AFMID: variants seen among roughly 807,000 people sequenced by gnomAD.
AFMID encodes the protein arylformamidase.
In AFMID, 39 loss-of-function variants were observed where a neutral mutation model predicts 47.5. The ratio of observed to expected loss-of-function variants is 0.82; its 90% CI spans 0.64 to 1.07. AFMID has a LOEUF of 1.07. AFMID is among the 50% of genes least tolerant of loss of function. The pLI is 0.00. For missense variants in AFMID, 375 were observed against 387.5 expected (o/e 0.97, Z 0.27); for synonymous variants, 130 against 153.2 (o/e 0.85, Z 1.12).
At chr17:78,198,393 G>A (rs1413561802) in intron 2 of AFMID, among the ~76,000 whole-genome samples, 1 of 151,520 alleles carries the variant, frequency 6.6e-6, no homozygotes. Flanking sequence ...AAGGTCAGGA[G>A]TTCGAGACCA....
At position 78,206,942 on chromosome 17, in the gene AFMID, G is replaced by C; in HGVS notation, c.*5G>C. 1 of 1,613,924 alleles carries C rather than the reference G, an allele frequency of 6.2e-7. No individual in the cohort carries two copies. Among genetic ancestry groups the C allele is most frequent in the South Asian group, 1.1e-5 (1 of 91,062 alleles). On this transcript the variant is annotated 3_prime_UTR_variant, in exon 11 of 11. Coordinates refer to ENST00000409257, the MANE Select transcript of AFMID (RefSeq NM_001010982.5). ...TTGAAAACAATCTTCCAGTAGTTCT[G>C]ACGATACTTGGAGCCTGGTCCACGT...
At chr17:78,200,608 C>T (rs530496891) in intron 2 of AFMID, among the ~76,000 whole-genome samples, 24 of 152,182 alleles carry the variant, frequency 1.6e-4, no homozygotes, top group African/African-American at 4.8e-4. Flanking sequence ...GAGGCAGAGA[C>T]GGGAAGAGGC....
At chr17:78,197,115 G>T in intron 2 of AFMID, 1 of 1,531,296 alleles carries the variant, frequency 6.5e-7, no homozygotes, top group South Asian at 1.2e-5. Flanking sequence ...TTTCTTAATC[G>T]TAGCACAACT....
At chr17:78,197,246 G>T (rs1328110400) in intron 2 of AFMID, 2 of 1,540,766 alleles carry the variant, frequency 1.3e-6, no homozygotes, top group African/African-American at 2.7e-5. Flanking sequence ...GGGCAGGGTT[G>T]TTGGCAAACC....
intron 9 of AFMID, 53 bp from the exon 10 acceptor site, chr17:78,205,893 C>G (rs1484167889): frequency 6.3e-7 from 1 of 1,597,168 alleles, no homozygotes; most frequent in Non-Finnish European, 8.6e-7. Context: ...CATGTCCTGC[C>G]CCACCTCCCC....
chr17:78,195,713 G>A (rs1348447239), intron 2 of AFMID, among the ~76,000 whole-genome samples: 1 of 149,672 alleles, frequency 6.7e-6, no homozygotes, highest in Non-Finnish European at 1.5e-5. Flanking sequence ...TGTTGGTCAG[G>A]CTGGTCTGGA....
rs779897106 is a variant in AFMID at position 78,204,953 on chromosome 17, CAG to C, written c.467+54_467+55del. 1.2e-5 allele frequency: 20 copies of C among 1,604,762 alleles called. No individual in the cohort carries two copies. In the South Asian group the frequency reaches 2.2e-4, roughly 18 times the overall value. ...TGTTGGACCTCAGTGGGTGGGAGGA[CAG>C]TGCAATCAGTACCTAGGATACAGCC... On this transcript the variant is annotated intron_variant, in intron 6 of 10. Coordinates refer to ENST00000409257, the MANE Select transcript of AFMID (RefSeq NM_001010982.5).
In AFMID at chr17:78,191,976, G is replaced by A. The variant is rs1025567565; in HGVS notation, c.154+916G>A. 9.4e-5 allele frequency among the ~76,000 whole-genome samples: 14 copies of A among 148,364 alleles called. No individual in the cohort carries two copies. The South Asian group carries it at 1.5e-3, about 16-fold the overall frequency. ...GCTGGGATTACAGGCATGAGCCATC[G>A]TGCCTGGCCGCCTTTTCTTTCTTTC... On this transcript the variant is annotated intron_variant, in intron 2 of 10. Coordinates refer to ENST00000409257, the MANE Select transcript of AFMID (RefSeq NM_001010982.5).
At chr17:78,189,835 T>G (rs1226574923) in intron 1 of AFMID, among the ~76,000 whole-genome samples, 2 of 145,206 alleles carry the variant, frequency 1.4e-5, no homozygotes, top group Non-Finnish European at 3.0e-5. Context: ...TGTTGGTTTT[T>G]TTTTTTTTTT....
In AFMID at chr17:78,201,571, A is replaced by G. The variant is rs1049365230; in HGVS notation, c.155-928A>G. On this transcript the variant is annotated intron_variant, in intron 2 of 10. Coordinates refer to ENST00000409257, the MANE Select transcript of AFMID (RefSeq NM_001010982.5). Reference sequence around the variant, plus strand: ...GAGTTTGAGACTGTAGTATGCTTTGATTGCACCTGTGAATAGCCACTGTAC... The same window carrying G: ...GAGTTTGAGACTGTAGTATGCTTTGGTTGCACCTGTGAATAGCCACTGTAC... Among the ~76,000 whole-genome samples the G allele has an allele frequency of 5.9e-5, 9 of 152,240 alleles. No individual in the cohort carries two copies. In the East Asian group the frequency reaches 1.7e-3, roughly 29 times the overall value.
At chr17:78,197,197 C>T (rs1265684009) in intron 2 of AFMID, 16 of 1,550,646 alleles carry the variant, frequency 1.0e-5, no homozygotes, top group South Asian at 7.1e-5. Context: ...GAAGCCACTC[C>T]GATGAGCCTG....
intron 2 of AFMID, among the ~76,000 whole-genome samples, chr17:78,201,178 T>A (rs756144318): frequency 1.3e-5 from 2 of 151,386 alleles, no homozygotes; most frequent in Non-Finnish European, 2.9e-5. Flanking sequence ...TTTTTTAATT[T>A]TTAGAAAATA....
intron 3 of AFMID, 31 bp downstream of exon 3, chr17:78,202,634 G>C: frequency 5.7e-6 from 9 of 1,591,708 alleles, no homozygotes; most frequent in Non-Finnish European, 7.7e-6. Flanking sequence ...GGGTCCCGGG[G>C]CTTGGGGGTC....
Position 78,191,016 on chromosome 17 carries a change from G to A in AFMID, c.110G>A (p.Gly37Glu). ...CCCAGCCGATGGGTTGTCCGACTGG[G>A]AGCAGAGGAAGCCTTGAGGACCTAC... ...YCPSRWVVRL[G>E]AEEALRTYSQ... The change falls in exon 2 of 11, where the codon GGA (glycine) becomes GAA (glutamate). Residue 37 changes from glycine to glutamate, a missense_variant. Transcript: ENST00000409257. 2 of 1,614,114 alleles carry A rather than the reference G, an allele frequency of 1.2e-6. No homozygotes were observed. The highest frequency in any genetic ancestry group is 1.1e-5 in the South Asian group (1 of 91,070).
rs985372972 is a variant in AFMID at position 78,190,555 on chromosome 17, G to A, written c.64-415G>A. 7.2e-5 allele frequency among the ~76,000 whole-genome samples: 11 copies of A among 152,098 alleles called. 1 individual carries two copies. The highest frequency in any genetic ancestry group is 3.9e-4 in the Admixed American group (6 of 15,252). ...ATTACAGGTGCACACCACCACGCTC[G>A]GCTAGTTTTTGTTTTCAGTAGAGAT... On this transcript the variant is annotated intron_variant, in intron 1 of 10. Transcript: ENST00000409257.
intron 7 of AFMID, 62 bp downstream of exon 7, chr17:78,205,252 G>A (rs904921647): frequency 7.9e-6 from 12 of 1,523,852 alleles, no homozygotes; most frequent in Non-Finnish European, 9.9e-6. Context: ...CTTGGGGTTT[G>A]GGCCAACTGC....
At chr17:78,193,050 T>C (rs2076014067) in intron 2 of AFMID, among the ~76,000 whole-genome samples, 1 of 152,092 alleles carries the variant, frequency 6.6e-6, no homozygotes, top group Non-Finnish European at 1.5e-5. Context: ...ATTTGCTCGA[T>C]AAATACATGA....
At chr17:78,202,679 C>T (rs1468757025) in intron 3 of AFMID, 24 bp from the exon 4 acceptor site, 1 of 1,565,102 alleles carries the variant, frequency 6.4e-7, no homozygotes, top group Non-Finnish European at 8.7e-7. Context: ...GCCTTGCTCA[C>T]ACGCCCTGTG....
intron 10 of AFMID, 113 bp from the exon 11 acceptor site, chr17:78,206,797 GT>G (rs1311258199): frequency 2.6e-6 from 3 of 1,159,944 alleles, no homozygotes; most frequent in East Asian, 4.7e-5. Context: ...CTCCCGAAGG[GT>G]TGGGGTTGCA....
Sources: allele counts gnomAD v4.1 joint callset (sites outside exome capture counted in the v4.1 genomes callset), GRCh38; gene constraint gnomAD v4.1.1; transcripts MANE v1.5; gene names NCBI Gene and HGNC (gene_info 2026-07-23, HGNC 2026-07-21).